The following POLGARF variants were observed in gnomAD, a reference collection of about 807,000 sequenced individuals.
The protein encoded by POLGARF is POLG alternative reading frame.
At chr15:89,330,638 T>A in the POLGARF span, among the ~76,000 whole-genome samples, 1 of 151,760 alleles carries the variant, frequency 6.6e-6, no homozygotes, top group Non-Finnish European at 1.5e-5. Context: ...TATCAACCCC[T>A]CACGTCTACA....
the POLGARF span, chr15:89,333,537 G>A: frequency 1.2e-6 from 2 of 1,612,754 alleles, no homozygotes; most frequent in Non-Finnish European, 1.7e-6. Flanking sequence ...GATGTCCAAT[G>A]GGTTGTGCCG....
chr15:89,332,773 A>G, the POLGARF span, among the ~76,000 whole-genome samples: 1 of 152,176 alleles, frequency 6.6e-6, no homozygotes, highest in South Asian at 2.1e-4. Context: ...CTAACTTCTC[A>G]TGACGCTATT....
chr15:89,333,588 GGCTGCTGTT>G, the POLGARF span: 170 of 1,604,760 alleles, frequency 1.1e-4, no homozygotes, highest in Non-Finnish European at 1.3e-4. Flanking sequence ...CGGCTGCTGA[GGCTGCTGTT>G]GCTGCTGCTG....
chr15:89,330,353 C>T, the POLGARF span: 13 of 1,101,754 alleles, frequency 1.2e-5, no homozygotes, highest in African/African-American at 1.1e-4. Flanking sequence ...TGCACACCTA[C>T]CGCCACATGC....
the POLGARF span, chr15:89,333,772 C>T: frequency 6.5e-7 from 1 of 1,534,988 alleles, no homozygotes; most frequent in Non-Finnish European, 8.7e-7. Context: ...GCAGGGACCC[C>T]CACGCTGGGA....
chr15:89,330,298 C>T, the POLGARF span: 2 of 1,591,002 alleles, frequency 1.3e-6, no homozygotes, highest in Non-Finnish European at 1.7e-6. Context: ...GAGAGGCAGG[C>T]AGGTTCACCA....
the POLGARF span, among the ~76,000 whole-genome samples, chr15:89,330,868 T>C: frequency 1.4e-5 from 2 of 143,852 alleles, no homozygotes; most frequent in Non-Finnish European, 3.0e-5. Flanking sequence ...CCAGGGAAAG[T>C]GCCAGAATGA....
the POLGARF span, among the ~76,000 whole-genome samples, chr15:89,331,992 T>C: frequency 6.6e-6 from 1 of 152,202 alleles, no homozygotes; most frequent in Non-Finnish European, 1.5e-5. Context: ...TTGAGGTAAT[T>C]TGGCCTAAAA....
At chr15:89,333,453 C>G in the POLGARF span, 1 of 1,610,572 alleles carries the variant, frequency 6.2e-7, no homozygotes, top group Non-Finnish European at 8.5e-7. Context: ...GACGCTGCGG[C>G]GCACCGCGGC....
At chr15:89,333,365 G>A in the POLGARF span, 2 of 1,576,188 alleles carry the variant, frequency 1.3e-6, no homozygotes, top group Non-Finnish European at 8.6e-7. Context: ...TGTCCCCGTA[G>A]AGGGGCGGCA....
the POLGARF span, among the ~76,000 whole-genome samples, chr15:89,330,793 G>C: frequency 7.1e-4 from 108 of 151,068 alleles, no homozygotes; most frequent in Non-Finnish European, 1.1e-3. Flanking sequence ...TCTCACGGCT[G>C]AAAAGATTCT....
chr15:89,333,755 G>A, the POLGARF span: 1 of 1,535,152 alleles, frequency 6.5e-7, no homozygotes, highest in Non-Finnish European at 8.7e-7. Flanking sequence ...GGCGGCTCAT[G>A]GTTGGTGCAG....
chr15:89,332,928 A>C, the POLGARF span, among the ~76,000 whole-genome samples: 531 of 152,236 alleles, frequency 3.5e-3, 2 homozygotes, highest in Admixed American at 6.4e-3. Flanking sequence ...TGATCTTCCC[A>C]CCAGAAAGTG....
chr15:89,333,153 A>C, the POLGARF span: 18 of 1,540,028 alleles, frequency 1.2e-5, no homozygotes, highest in African/African-American at 2.8e-5. Flanking sequence ...TGCCAAGCAG[A>C]CCTCCACGTC....
chr15:89,333,108 G>A, the POLGARF span: 6 of 1,519,678 alleles, frequency 3.9e-6, no homozygotes, highest in South Asian at 2.6e-5. Flanking sequence ...GGCCGAGGGG[G>A]ATATGGCCAC....
chr15:89,333,107 G>C, the POLGARF span: 2 of 1,519,292 alleles, frequency 1.3e-6, no homozygotes, highest in Non-Finnish European at 1.8e-6. Flanking sequence ...AGGCCGAGGG[G>C]GATATGGCCA....
the POLGARF span, chr15:89,333,747 C>T: frequency 6.5e-7 from 1 of 1,535,292 alleles, no homozygotes; most frequent in Non-Finnish European, 8.7e-7. Context: ...CCAGAGCAGG[C>T]GGCTCATGGT....
At chr15:89,330,285 G>A in the POLGARF span, 7 of 1,606,880 alleles carry the variant, frequency 4.4e-6, no homozygotes, top group African/African-American at 1.3e-5. Context: ...ACCTGAGGGA[G>A]GTGAGAGGCA....
the POLGARF span, chr15:89,333,284 C>T: frequency 6.4e-7 from 1 of 1,557,804 alleles, no homozygotes; most frequent in Non-Finnish European, 8.7e-7. Context: ...GGGCCTGCAA[C>T]AGCAAGTTGG....
Sources: allele counts gnomAD v4.1 joint callset (sites outside exome capture counted in the v4.1 genomes callset), GRCh38; gene constraint gnomAD v4.1.1; transcripts MANE v1.5; gene names NCBI Gene and HGNC (gene_info 2026-07-23, HGNC 2026-07-21).